The following EYS variants were observed in gnomAD, a reference collection of about 807,000 sequenced individuals.
EYS encodes EGF-like photoreceptor maintenance factor.
A neutral mutation model predicts 282.1 loss-of-function variants in EYS; 250 were observed. The ratio of observed to expected loss-of-function variants is 0.89; its 90% CI spans 0.80 to 0.98. EYS has a LOEUF of 0.98. Among genes scored for constraint, EYS ranks in the 50% least tolerant of loss-of-function variants. The pLI is 0.00. For missense variants in EYS, 4,016 were observed against 3,709.0 expected, an observed-to-expected ratio of 1.08 and a Z score of -2.15; for synonymous variants, 1,355 against 1,282.9, an observed-to-expected ratio of 1.06 and a Z score of -1.20.
chr6:64,198,266 C>G (rs1352445851), intron 31 of EYS, among the ~76,000 whole-genome samples: 1 of 151,930 alleles, frequency 6.6e-6, no homozygotes. Context: ...CTCGGCCTCC[C>G]AAAGGGCTGG....
At chr6:64,732,217 G>T (rs1415347056) in intron 22 of EYS, among the ~76,000 whole-genome samples, 1 of 151,626 alleles carries the variant, frequency 6.6e-6, no homozygotes, top group South Asian at 2.1e-4. Flanking sequence ...GTTGGTGATG[G>T]GTTGCTGGGT....
At chr6:65,094,202 C>T (rs145893442) in intron 12 of EYS, among the ~76,000 whole-genome samples, 37 of 148,972 alleles carry the variant, frequency 2.5e-4, no homozygotes, top group Non-Finnish European at 5.4e-4. Flanking sequence ...AACATCAGAG[C>T]ACCTAAATAT....
At chr6:65,028,752 C>T (rs1050359905) in intron 13 of EYS, among the ~76,000 whole-genome samples, 2 of 151,640 alleles carry the variant, frequency 1.3e-5, no homozygotes, top group Non-Finnish European at 2.9e-5. Flanking sequence ...GTAATTTATC[C>T]CCTTGGACTT....
At chr6:65,158,814 T>A (rs1240679864) in intron 12 of EYS, among the ~76,000 whole-genome samples, 1 of 150,948 alleles carries the variant, frequency 6.6e-6, no homozygotes, top group Non-Finnish European at 1.5e-5. Flanking sequence ...ACAAAAGATA[T>A]ACACCCATAG....
chr6:65,050,398 A>T (rs1312657709), intron 13 of EYS, among the ~76,000 whole-genome samples: 2 of 151,648 alleles, frequency 1.3e-5, no homozygotes, highest in Admixed American at 1.3e-4. Flanking sequence ...CTATTTAACG[A>T]ATCGTTTATT....
chr6:65,313,961 T>C (rs1340511295), intron 11 of EYS, among the ~76,000 whole-genome samples: 2 of 152,162 alleles, frequency 1.3e-5, no homozygotes, highest in East Asian at 3.9e-4. Flanking sequence ...CAACGACTAT[T>C]GTCCTTGTCT....
chr6:65,499,639 T>C (rs1449688490), intron 2 of EYS, among the ~76,000 whole-genome samples: 1 of 152,028 alleles, frequency 6.6e-6, no homozygotes, highest in Non-Finnish European at 1.5e-5. Context: ...GCCTGTGCTC[T>C]AGAAAGTAAG....
chr6:65,128,786 T>C (rs1775788125), intron 12 of EYS, among the ~76,000 whole-genome samples: 1 of 151,926 alleles, frequency 6.6e-6, no homozygotes, highest in Non-Finnish European at 1.5e-5. Flanking sequence ...ACTAACAACT[T>C]GATTTTTCAC....
chr6:64,683,094 C>T (rs1161703758), intron 22 of EYS, among the ~76,000 whole-genome samples: 1 of 152,190 alleles, frequency 6.6e-6, no homozygotes, highest in Admixed American at 6.5e-5. Flanking sequence ...GCTGTACACT[C>T]TAGGGAAGGC....
chr6:63,883,496 G>T (rs116381139), intron 35 of EYS, among the ~76,000 whole-genome samples: 1,632 of 152,332 alleles, frequency 0.011, 23 homozygotes, highest in African/African-American at 0.038. Context: ...GAAGTCAGCA[G>T]ATAATTGCTT....
intron 12 of EYS, among the ~76,000 whole-genome samples, chr6:65,166,727 G>GGA (rs1764982014): frequency 6.6e-6 from 1 of 150,878 alleles, no homozygotes; most frequent in African/African-American, 2.4e-5. Context: ...ATGTTTCAAA[G>GGA]GACACCATCA....
At chr6:64,137,003 CA>C (rs1360822775) in intron 31 of EYS, among the ~76,000 whole-genome samples, 2 of 152,146 alleles carry the variant, frequency 1.3e-5, no homozygotes, top group Non-Finnish European at 2.9e-5. Context: ...GTTCAATGTA[CA>C]TTGAAAATCC....
At chr6:65,200,997 CTT>C (rs1765886507) in intron 12 of EYS, among the ~76,000 whole-genome samples, 1 of 152,018 alleles carries the variant, frequency 6.6e-6, no homozygotes, top group African/African-American at 2.4e-5. Flanking sequence ...GGGGCTGTCT[CTT>C]TTAAGATATT....
intron 26 of EYS, among the ~76,000 whole-genome samples, chr6:64,584,889 A>G (rs557867929): frequency 1.3e-5 from 2 of 152,202 alleles, no homozygotes; most frequent in East Asian, 3.9e-4. Context: ...TTAATTTATA[A>G]TTTTCTAATT....
At chr6:64,595,647 G>T (rs1766562514) in intron 24 of EYS, among the ~76,000 whole-genome samples, 1 of 151,950 alleles carries the variant, frequency 6.6e-6, no homozygotes, top group African/African-American at 2.4e-5. Context: ...CACCAATAAT[G>T]AACTATTTGA....
At chr6:64,230,139 T>C (rs1169691535) in intron 31 of EYS, among the ~76,000 whole-genome samples, 2 of 152,188 alleles carry the variant, frequency 1.3e-5, no homozygotes, top group Non-Finnish European at 2.9e-5. Context: ...TAAAACCATA[T>C]TCTTAAGCAT....
At chr6:64,954,490 T>C (rs897659547) in intron 14 of EYS, among the ~76,000 whole-genome samples, 2 of 152,068 alleles carry the variant, frequency 1.3e-5, no homozygotes, top group African/African-American at 4.8e-5. Context: ...ATATAGAAAA[T>C]ATAATCTTGT....
intron 13 of EYS, among the ~76,000 whole-genome samples, chr6:65,003,692 C>T (rs1771541568): frequency 6.8e-6 from 1 of 147,066 alleles, no homozygotes; most frequent in African/African-American, 2.4e-5. Flanking sequence ...TGTACTCTGT[C>T]CCTTTATTTC....
intron 26 of EYS, among the ~76,000 whole-genome samples, chr6:64,564,268 C>CTTTTTTTTTTTTTTTT (rs4034161): frequency 1.7e-5 from 1 of 59,386 alleles, no homozygotes; most frequent in African/African-American, 6.6e-5. Context: ...ATCTTTTGTC[C>CTTTTTTTTTTTTTTTT]TTTTTTTTTT....
Sources: gnomAD v4.1 joint callset for allele counts (sites outside exome capture counted in the v4.1 genomes callset) on GRCh38, gnomAD v4.1.1 for gene constraint, MANE v1.5 for transcripts, NCBI Gene and HGNC (gene_info 2026-07-23, HGNC 2026-07-21) for gene names.